Variants in EEPD1 observed in about 807,000 individuals in gnomAD.
EEPD1 encodes endonuclease/exonuclease/phosphatase family domain containing 1, also known as endonuclease/exonuclease/phosphatase family domain-containing protein 1.
Under a neutral mutation model 46.3 loss-of-function variants are expected in EEPD1, and 17 were observed. That is an observed-to-expected ratio of 0.37 (90% CI 0.25 to 0.55). The LOEUF is 0.55. EEPD1 is among the 20% of genes least tolerant of loss of function. The pLI, the probability that EEPD1 is intolerant of heterozygous loss-of-function variation, is 0.83. For missense variants in EEPD1, 673 were observed against 745.6 expected, an observed-to-expected ratio of 0.90 and a Z score of 1.13; for synonymous variants, 313 against 315.6, an observed-to-expected ratio of 0.99 and a Z score of 0.09.
intron 2 of EEPD1, among the ~76,000 whole-genome samples, chr7:36,229,700 C>A (rs908641602): frequency 3.9e-5 from 4 of 102,570 alleles, no homozygotes; most frequent in African/African-American, 6.9e-5. Flanking sequence ...GAACAACTGG[C>A]TACCTGCCCT....
At chr7:36,186,525 C>T (rs562468111) in intron 2 of EEPD1, among the ~76,000 whole-genome samples, 204 of 152,324 alleles carry the variant, frequency 1.3e-3, no homozygotes, top group African/African-American at 4.7e-3. Context: ...AAAAATGCAT[C>T]GCCACATTCT....
chr7:36,234,160 C>A (rs1252341903), intron 2 of EEPD1, among the ~76,000 whole-genome samples: 3 of 152,156 alleles, frequency 2.0e-5, no homozygotes, highest in Non-Finnish European at 4.4e-5. Flanking sequence ...CTCAAATGAT[C>A]TACCTGCCTT....
intron 2 of EEPD1, among the ~76,000 whole-genome samples, chr7:36,209,183 G>A (rs1029343974): frequency 5.3e-5 from 8 of 152,192 alleles, no homozygotes; most frequent in African/African-American, 1.2e-4. Context: ...ATAAGTGCTT[G>A]CTGTAACTCA....
intron 2 of EEPD1, among the ~76,000 whole-genome samples, chr7:36,178,294 T>A (rs532439292): frequency 1.3e-5 from 2 of 152,340 alleles, no homozygotes; most frequent in South Asian, 4.1e-4. Flanking sequence ...TAGTCCAGGC[T>A]CACTGCCCAG....
intron 2 of EEPD1, among the ~76,000 whole-genome samples, chr7:36,238,604 A>C (rs999020287): frequency 6.6e-6 from 1 of 152,228 alleles, no homozygotes; most frequent in African/African-American, 2.4e-5. Flanking sequence ...ATAGTCCATT[A>C]AAAGTATATA....
intron 6 of EEPD1, among the ~76,000 whole-genome samples, chr7:36,292,497 CTCTT>C (rs1787462750): frequency 6.7e-6 from 1 of 148,472 alleles, no homozygotes; most frequent in Admixed American, 6.8e-5. Context: ...CTCTCTTTTT[CTCTT>C]TCTCTTTCTC....
chr7:36,160,888 A>G (rs1353316112), intron 2 of EEPD1, among the ~76,000 whole-genome samples: 2 of 152,060 alleles, frequency 1.3e-5, no homozygotes, highest in Non-Finnish European at 2.9e-5. Flanking sequence ...TTTCTATGAG[A>G]TAGGTGCAGA....
chr7:36,275,411 G>A (rs1787166624), intron 3 of EEPD1, among the ~76,000 whole-genome samples: 1 of 152,118 alleles, frequency 6.6e-6, no homozygotes, highest in Non-Finnish European at 1.5e-5. Flanking sequence ...AGACCACTGA[G>A]TGGAGTTGGA....
At chr7:36,218,732 G>A (rs751851928) in intron 2 of EEPD1, among the ~76,000 whole-genome samples, 3 of 152,202 alleles carry the variant, frequency 2.0e-5, no homozygotes, top group Non-Finnish European at 4.4e-5. Flanking sequence ...GGTGACTGCT[G>A]TACTATGTGA....
intron 2 of EEPD1, among the ~76,000 whole-genome samples, chr7:36,185,696 G>C (rs1257653980): frequency 6.6e-6 from 1 of 152,156 alleles, no homozygotes; most frequent in Non-Finnish European, 1.5e-5. Flanking sequence ...TCCTAAGTTA[G>C]AGATGCCTCC....
intron 7 of EEPD1, among the ~76,000 whole-genome samples, chr7:36,297,420 T>C (rs983874647): frequency 1.3e-5 from 2 of 152,216 alleles, no homozygotes; most frequent in Non-Finnish European, 2.9e-5. Context: ...TTTGTAACTA[T>C]TCGTTAATTT....
chr7:36,184,167 G>A (rs1045285687), intron 2 of EEPD1, among the ~76,000 whole-genome samples: 1 of 152,094 alleles, frequency 6.6e-6, no homozygotes, highest in Non-Finnish European at 1.5e-5. Flanking sequence ...AGATGAAGGT[G>A]ATTGTGTTCT....
chr7:36,281,221 A>T lies in EEPD1; in HGVS notation c.1037A>T (p.Gln346Leu). The change falls in exon 4 of 8, where the codon CAG becomes CTG. Residue 346 changes from glutamine to leucine, a missense_variant. By Grantham distance (113) the Gln-to-Leu change is moderately radical (BLOSUM62 -2). Coordinates refer to ENST00000242108, the MANE Select transcript of EEPD1 (RefSeq NM_030636.3). ...VVAEKPSSQL[Q>L]KGAGYAGFLW... is the part of the protein sequence containing the mutation. ...GCTGAGAAGCCCTCGAGTCAGCTCC[A>T]GAAGGTACCCTCGTCTGCAAAGCCT... The T allele has an allele frequency of 1.2e-6, 2 of 1,614,002 alleles. No individual in the cohort carries two copies. Among genetic ancestry groups the T allele is most frequent in the Middle Eastern group, 1.6e-4 (1 of 6,062 alleles).
At chr7:36,249,359 C>A (rs1038548884) in intron 3 of EEPD1, among the ~76,000 whole-genome samples, 1 of 152,134 alleles carries the variant, frequency 6.6e-6, no homozygotes, top group African/African-American at 2.4e-5. Context: ...TTGGGCAGAG[C>A]ATTTCATTAG....
intron 2 of EEPD1, among the ~76,000 whole-genome samples, chr7:36,175,387 C>T (rs1049497887): frequency 1.6e-4 from 25 of 152,108 alleles, no homozygotes; most frequent in Non-Finnish European, 2.9e-4. Context: ...CGTGCCACCA[C>T]GCCTGACTAA....
intron 2 of EEPD1, among the ~76,000 whole-genome samples, chr7:36,197,226 G>A (rs1408918644): frequency 2.7e-5 from 4 of 148,652 alleles, no homozygotes; most frequent in African/African-American, 5.0e-5. Context: ...CAGCCACCCC[G>A]TCCGGGAGGG....
At chr7:36,173,348 A>AAC (rs1785123601) in intron 2 of EEPD1, among the ~76,000 whole-genome samples, 1 of 147,204 alleles carries the variant, frequency 6.8e-6, no homozygotes, top group African/African-American at 2.5e-5. Flanking sequence ...AAAAAAAAAA[A>AAC]CTTAGCTGGG....
chr7:36,231,908 C>T (rs760449165), intron 2 of EEPD1, among the ~76,000 whole-genome samples: 1 of 152,050 alleles, frequency 6.6e-6, no homozygotes, highest in African/African-American at 2.4e-5. Context: ...AAATAAATAC[C>T]ATAAACTGGA....
chr7:36,260,974 T>C (rs946944841), intron 3 of EEPD1, among the ~76,000 whole-genome samples: 2 of 152,224 alleles, frequency 1.3e-5, no homozygotes, highest in Admixed American at 1.3e-4. Flanking sequence ...TAGGAAGATG[T>C]GCATAGATTA....
Sources: allele counts gnomAD v4.1 joint callset (sites outside exome capture counted in the v4.1 genomes callset), GRCh38; gene constraint gnomAD v4.1.1; transcripts MANE v1.5; gene names NCBI Gene and HGNC (gene_info 2026-07-23, HGNC 2026-07-21).